ETHE1: variants seen among roughly 807,000 people sequenced by gnomAD.
ETHE1 encodes persulfide dioxygenase ETHE1, mitochondrial.
Under a neutral mutation model 25.7 loss-of-function variants are expected in ETHE1, and 16 were observed. The observed-to-expected ratio is 0.62, with a 90% CI of 0.42 to 0.95. The LOEUF is 0.95. Ranked by LOEUF, ETHE1 falls within the 40% of genes least tolerant of loss-of-function variation. ETHE1 has a pLI of 0.00. For synonymous variants in ETHE1, 139 were observed against 135.9 expected, an observed-to-expected ratio of 1.02 and a Z score of -0.16; for missense variants, 300 against 333.6, an observed-to-expected ratio of 0.90 and a Z score of 0.79.
At chr19:43,521,907 T>C (rs1972145318) in intron 3 of ETHE1, among the ~76,000 whole-genome samples, 1 of 152,096 alleles carries the variant, frequency 6.6e-6, no homozygotes, top group Admixed American at 6.6e-5. Flanking sequence ...AAAAACTGAA[T>C]AATCAGAAGG....
At chr19:43,513,703 G>A (rs1364872396) in intron 3 of ETHE1, among the ~76,000 whole-genome samples, 1 of 151,320 alleles carries the variant, frequency 6.6e-6, no homozygotes, top group Non-Finnish European at 1.5e-5. Context: ...TGTCTCAGAT[G>A]AGACTTTATT....
At chr19:43,510,459 C>T (rs1037331697) in intron 4 of ETHE1, among the ~76,000 whole-genome samples, 1 of 151,528 alleles carries the variant, frequency 6.6e-6, no homozygotes, top group Admixed American at 6.6e-5. Flanking sequence ...CTCAGCCTCC[C>T]GAGTAGCTGG....
chr19:43,507,379 G>C (rs1217243444), intron 6 of ETHE1, among the ~76,000 whole-genome samples: 3 of 64,464 alleles, frequency 4.7e-5, no homozygotes, highest in South Asian at 6.8e-4. Flanking sequence ...AGACCCAGGA[G>C]TCCAGGCCCC....
intron 5 of ETHE1, among the ~76,000 whole-genome samples, chr19:43,508,457 T>C (rs2682579): frequency 0.68 from 103,385 of 151,418 alleles, 35,260 homozygotes; most frequent in East Asian, 0.73. Context: ...AAGCAATCCT[T>C]CTACCACAGC....
intron 4 of ETHE1, among the ~76,000 whole-genome samples, chr19:43,510,131 C>A (rs189149018): frequency 6.6e-6 from 1 of 152,108 alleles, no homozygotes; most frequent in African/African-American, 2.4e-5. Context: ...CCTCTCCCCA[C>A]AAGACAGCTA....
intron 3 of ETHE1, among the ~76,000 whole-genome samples, chr19:43,524,340 G>A (rs1017220276): frequency 1.4e-5 from 2 of 147,898 alleles, no homozygotes; most frequent in African/African-American, 5.0e-5. Flanking sequence ...AACCAAGATC[G>A]CACCACTGCA....
intron 3 of ETHE1, among the ~76,000 whole-genome samples, chr19:43,519,890 T>C (rs1972105904): frequency 6.6e-6 from 1 of 152,042 alleles, no homozygotes; most frequent in Non-Finnish European, 1.5e-5. Context: ...ATTAGGCACA[T>C]TAATAAATCA....
At chr19:43,526,968 C>G in intron 1 of ETHE1, 129 bp downstream of exon 1, 1 of 1,529,704 alleles carries the variant, frequency 6.5e-7, no homozygotes, top group South Asian at 1.2e-5. Context: ...AGCCCTAAAC[C>G]TCCACCCCGC....
intron 3 of ETHE1, among the ~76,000 whole-genome samples, chr19:43,522,197 G>A (rs1972149963): frequency 6.6e-6 from 1 of 152,200 alleles, no homozygotes; most frequent in South Asian, 2.1e-4. Context: ...CGAGGCAGGA[G>A]GGTTGCTTGA....
chr19:43,510,300 A>G (rs1422856624), intron 4 of ETHE1, among the ~76,000 whole-genome samples: 1 of 151,816 alleles, frequency 6.6e-6, no homozygotes, highest in African/African-American at 2.4e-5. Flanking sequence ...CTCCCTGGCA[A>G]TTAAACCGCT....
rs779743569 is a variant in ETHE1, at chr19:43,526,636, G to A, written c.105C>T (p.Thr35=). The A allele has an allele frequency of 6.2e-7, 1 of 1,614,026 alleles. No homozygotes were observed. The highest frequency in any genetic ancestry group is 1.1e-5 in the South Asian group (1 of 91,076). ...CTCTGTCACCCAGCAGGTACGTGAAGGTGCAGCTCACAGGCTCGAACATCT... is the reference window on the plus strand; with the variant it reads ...CTCTGTCACCCAGCAGGTACGTGAAAGTGCAGCTCACAGGCTCGAACATCT... ...LRQMFEPVSC[T]FTYLLGDRES... The change falls in exon 2 of 7, where the codon ACC becomes ACT. Residue 35 remains threonine (T), a synonymous_variant. Coordinates refer to ENST00000292147, the MANE Select transcript of ETHE1 (RefSeq NM_014297.5).
At position 43,508,832 on chromosome 19, in the gene ETHE1, C is replaced by T. The variant is rs1177858164; in HGVS notation, c.538G>A (p.Glu180Lys). 6.2e-7 allele frequency: 1 copy of T among 1,608,578 alleles called. No individual in the cohort carries two copies. Among genetic ancestry groups the T allele is most frequent in the Admixed American group, 1.7e-5 (1 of 59,082 alleles). Residue 180 changes from glutamate to lysine, a missense_variant, in exon 5 of 7, where the codon GAA (glutamate) becomes AAA (lysine). Coordinates refer to ENST00000292147, the MANE Select transcript of ETHE1 (RefSeq NM_014297.5). ...CAKTLYHSVH[E>K]KIFTLPGDCL... is the part of the protein sequence containing the mutation. ...TCTCCTGGAAGTGTGAAGATCTTTT[C>T]ATGGACCGAGTGGTACAAGGTCTTG...
At chr19:43,526,733 C>T (rs1044830900) in intron 1 of ETHE1, 74 bp from the exon 2 acceptor site, 4 of 1,607,028 alleles carry the variant, frequency 2.5e-6, no homozygotes, top group African/African-American at 1.3e-5. Context: ...TCCAGACTGA[C>T]CCTATCCTCT....
At chr19:43,526,137 C>T in intron 3 of ETHE1, 64 bp downstream of exon 3, 1 of 1,612,602 alleles carries the variant, frequency 6.2e-7, no homozygotes. Flanking sequence ...CCCCCAGTCC[C>T]CTCTTCCCTT....
chr19:43,526,784 C>G, intron 1 of ETHE1, 125 bp from the exon 2 acceptor site: 1 of 1,542,720 alleles, frequency 6.5e-7, no homozygotes, highest in Non-Finnish European at 8.8e-7. Flanking sequence ...CACTCTTTCC[C>G]CGGGAGTCGG....
At chr19:43,514,485 C>CTT (rs767043458) in intron 3 of ETHE1, among the ~76,000 whole-genome samples, 2,312 of 113,202 alleles carry the variant, frequency 0.02, 162 homozygotes, top group African/African-American at 0.061. Flanking sequence ...TTGGGTATGT[C>CTT]TTTTTTTTTT....
intron 6 of ETHE1, 102 bp from the exon 7 acceptor site, chr19:43,507,004 A>G (rs921528723): frequency 7.8e-7 from 1 of 1,280,662 alleles, no homozygotes; most frequent in Admixed American, 1.9e-5. Context: ...TCAGGAAACT[A>G]GAGTTTTGGT....
At chr19:43,521,980 AG>A (rs1474394122) in intron 3 of ETHE1, among the ~76,000 whole-genome samples, 2 of 152,042 alleles carry the variant, frequency 1.3e-5, no homozygotes, top group African/African-American at 2.4e-5. Flanking sequence ...TGAGGCAAGG[AG>A]GATCGCTTGA....
chr19:43,506,814 A>T lies in ETHE1; in HGVS notation c.*36T>A. ...GCCGCCCTCTCCTCCCACCTAGTGCATTAATAGTGGATGGGAGCATCTGAC... is the reference window on the plus strand; with the variant it reads ...GCCGCCCTCTCCTCCCACCTAGTGCTTTAATAGTGGATGGGAGCATCTGAC... On this transcript the variant is annotated 3_prime_UTR_variant, in exon 7 of 7. Transcript: ENST00000292147. 6.3e-7 allele frequency: 1 copy of T among 1,589,496 alleles called. No homozygotes were observed. The highest frequency in any genetic ancestry group is 8.6e-7 in the Non-Finnish European group (1 of 1,158,688).
Sources: gnomAD v4.1 joint callset for allele counts (sites outside exome capture counted in the v4.1 genomes callset) on GRCh38, gnomAD v4.1.1 for gene constraint, MANE v1.5 for transcripts, NCBI Gene and HGNC (gene_info 2026-07-23, HGNC 2026-07-21) for gene names.